BRD10: variants seen among roughly 807,000 people sequenced by gnomAD.
BRD10 encodes bromodomain containing 10.
the BRD10 span, among the ~76,000 whole-genome samples, chr9:5,893,513 T>C: frequency 6.6e-6 from 1 of 152,112 alleles, no homozygotes; most frequent in African/African-American, 2.4e-5. Context: ...CAGAAGACCC[T>C]GGTATAGGAT....
At chr9:5,882,868 A>T in the BRD10 span, among the ~76,000 whole-genome samples, 8 of 152,204 alleles carry the variant, frequency 5.3e-5, no homozygotes, top group Non-Finnish European at 1.2e-4. Flanking sequence ...AGGGACATGG[A>T]TGAAGCTGGA....
the BRD10 span, among the ~76,000 whole-genome samples, chr9:5,982,928 T>G: frequency 6.6e-6 from 1 of 152,192 alleles, no homozygotes; most frequent in East Asian, 1.9e-4. Context: ...ATATTGTATT[T>G]TAAATTTTGA....
chr9:5,904,093 G>A, the BRD10 span, among the ~76,000 whole-genome samples: 1 of 151,982 alleles, frequency 6.6e-6, no homozygotes, highest in Non-Finnish European at 1.5e-5. Flanking sequence ...CCTGAGCTCA[G>A]GCAATCCGCC....
chr9:5,960,628 G>A, the BRD10 span, among the ~76,000 whole-genome samples: 145,773 of 151,786 alleles, frequency 0.96, 70,291 homozygotes, highest in Non-Finnish European at 0.99. Flanking sequence ...TTTCCAAACA[G>A]AACTGGTTGA....
chr9:6,007,093 A>T, the BRD10 span: 1 of 1,217,682 alleles, frequency 8.2e-7, no homozygotes, highest in Non-Finnish European at 1.2e-6. Context: ...CTCAGCACCT[A>T]TCAGCGCCGC....
the BRD10 span, among the ~76,000 whole-genome samples, chr9:5,910,986 T>A: frequency 6.6e-6 from 1 of 152,216 alleles, no homozygotes; most frequent in East Asian, 1.9e-4. Context: ...CTCCCATTCA[T>A]GGGTTGTCTC....
chr9:5,937,308 G>A, the BRD10 span, among the ~76,000 whole-genome samples: 6 of 151,804 alleles, frequency 4.0e-5, no homozygotes, highest in South Asian at 6.2e-4. Flanking sequence ...AGGCCGAGGC[G>A]GGTGGATCAC....
chr9:5,912,539 T>G, the BRD10 span, among the ~76,000 whole-genome samples: 1 of 152,280 alleles, frequency 6.6e-6, no homozygotes, highest in African/African-American at 2.4e-5. Context: ...GGCTGTTACT[T>G]TACATATTTG....
chr9:5,980,845 T>C, the BRD10 span, among the ~76,000 whole-genome samples: 1 of 152,322 alleles, frequency 6.6e-6, no homozygotes, highest in Admixed American at 6.5e-5. Context: ...ATCTCAAACT[T>C]CTGATATAAC....
At chr9:5,928,837 T>C in the BRD10 span, among the ~76,000 whole-genome samples, 1 of 88,442 alleles carries the variant, frequency 1.1e-5, no homozygotes, top group Non-Finnish European at 3.9e-5. Context: ...TTTTTTTCCA[T>C]GAGAATGTAA....
chr9:5,883,130 C>T, the BRD10 span, among the ~76,000 whole-genome samples: 9 of 151,152 alleles, frequency 6.0e-5, 1 homozygote, highest in Admixed American at 5.3e-4. Context: ...GCACGCTGTG[C>T]ACATGTACCC....
the BRD10 span, among the ~76,000 whole-genome samples, chr9:5,914,644 C>T: frequency 2.0e-5 from 3 of 151,930 alleles, no homozygotes; most frequent in East Asian, 3.9e-4. Context: ...AGGATGGTCT[C>T]GATCTCCTGA....
chr9:5,946,088 C>T, the BRD10 span, among the ~76,000 whole-genome samples: 1 of 151,932 alleles, frequency 6.6e-6, no homozygotes, highest in Non-Finnish European at 1.5e-5. Context: ...CTTGTGGCTA[C>T]TGAGTGACAA....
At chr9:5,998,973 A>C in the BRD10 span, among the ~76,000 whole-genome samples, 4 of 151,994 alleles carry the variant, frequency 2.6e-5, no homozygotes, top group Admixed American at 2.6e-4. Flanking sequence ...GCAACGTTGT[A>C]TTTTTTAAGG....
the BRD10 span, among the ~76,000 whole-genome samples, chr9:5,955,023 G>A: frequency 1.3e-5 from 2 of 152,170 alleles, no homozygotes; most frequent in Middle Eastern, 3.4e-3. Flanking sequence ...GGGAGGTGGA[G>A]GTTGTAGTGA....
chr9:6,003,264 A>G, the BRD10 span, among the ~76,000 whole-genome samples: 1 of 152,212 alleles, frequency 6.6e-6, no homozygotes, highest in African/African-American at 2.4e-5. Flanking sequence ...GCCTTTCAAA[A>G]CTAGAAAAAG....
At chr9:5,954,191 C>G in the BRD10 span, 1 of 681,252 alleles carries the variant, frequency 1.5e-6, no homozygotes, top group Non-Finnish European at 2.6e-6. Flanking sequence ...TAAATTGTAA[C>G]TAACAGATGG....
At chr9:5,894,474 T>A in the BRD10 span, among the ~76,000 whole-genome samples, 4 of 151,134 alleles carry the variant, frequency 2.6e-5, no homozygotes. The surrounding 1 kb of genome is among the most constrained non-coding windows in gnomAD (Gnocchi z 4.0). Context: ...GGACCTAGAG[T>A]TGGGAGGAGG....
At chr9:5,886,658 T>C in the BRD10 span, among the ~76,000 whole-genome samples, 1 of 152,070 alleles carries the variant, frequency 6.6e-6, no homozygotes, top group Admixed American at 6.5e-5. Flanking sequence ...CTTGGAAGTG[T>C]TGAAAATGAA....
Sources: gnomAD v4.1 joint callset for allele counts (sites outside exome capture counted in the v4.1 genomes callset) on GRCh38, gnomAD v4.1.1 for gene constraint, Gnocchi (gnomAD v3.1) non-coding constraint, MANE v1.5 for transcripts, NCBI Gene and HGNC (gene_info 2026-07-23, HGNC 2026-07-21) for gene names.